OPCML: variants seen among roughly 807,000 people sequenced by gnomAD.
OPCML encodes opioid-binding protein/cell adhesion molecule.
A neutral mutation model predicts 37.8 loss-of-function variants in OPCML; 13 were observed. The ratio of observed to expected loss-of-function variants is 0.34; its 90% CI spans 0.22 to 0.55. The LOEUF (loss-of-function observed/expected upper bound fraction) is 0.55, where lower values mean the gene tolerates loss of function less well. OPCML is among the 20% of genes least tolerant of loss of function. The pLI is 0.91. For synonymous variants in OPCML, 176 were observed against 168.8 expected, an observed-to-expected ratio of 1.04 and a Z score of -0.33; for missense variants, 341 against 435.6, an observed-to-expected ratio of 0.78 and a Z score of 1.93.
chr11:132,962,005 T>A (rs760316690), intron 1 of OPCML, among the ~76,000 whole-genome samples: 1 of 152,236 alleles, frequency 6.6e-6, no homozygotes, highest in South Asian at 2.1e-4. Context: ...TTACAATACA[T>A]TTGACCTAGT....
chr11:133,050,734 T>TC (rs1200450435), intron 1 of OPCML, among the ~76,000 whole-genome samples: 1 of 133,100 alleles, frequency 7.5e-6, no homozygotes, highest in Admixed American at 8.0e-5. Flanking sequence ...TTTTTTTTTT[T>TC]CAGTGCATTT....
chr11:132,420,828 G>A (rs1432232073), intron 7 of OPCML, among the ~76,000 whole-genome samples: 1 of 152,172 alleles, frequency 6.6e-6, no homozygotes, highest in African/African-American at 2.4e-5. Flanking sequence ...GCTAAGGAAG[G>A]AGGAACAATC....
intron 1 of OPCML, among the ~76,000 whole-genome samples, chr11:133,337,312 ACCCACTGG>A (rs1404523660): frequency 1.3e-5 from 2 of 152,042 alleles, no homozygotes; most frequent in Non-Finnish European, 2.9e-5. Context: ...AAATACTACC[ACCCACTGG>A]CCCACTCACC....
chr11:133,340,507 C>A (rs1375587597), intron 1 of OPCML, among the ~76,000 whole-genome samples: 1 of 150,734 alleles, frequency 6.6e-6, no homozygotes, highest in Non-Finnish European at 1.5e-5. Flanking sequence ...CAAATTAACA[C>A]CGTGTGTGTG....
At chr11:132,843,639 T>A (rs1941395901) in intron 2 of OPCML, among the ~76,000 whole-genome samples, 2 of 152,088 alleles carry the variant, frequency 1.3e-5, no homozygotes, top group Admixed American at 6.5e-5. Context: ...AATTGATATC[T>A]GTTGAAGAAT....
chr11:132,437,148 T>TGCCATTACCAGATTGTCCACC, intron 5 of OPCML, 74 bp downstream of exon 5: 1 of 1,556,308 alleles, frequency 6.4e-7, no homozygotes, highest in Non-Finnish European at 8.7e-7. Flanking sequence ...AAAATGGCAC[T>TGCCATTACCAGATTGTCCACC]GCCATTACCA....
At chr11:133,103,490 A>C (rs1949114788) in intron 1 of OPCML, among the ~76,000 whole-genome samples, 1 of 152,230 alleles carries the variant, frequency 6.6e-6, no homozygotes, top group Non-Finnish European at 1.5e-5. Flanking sequence ...GGATCAAACA[A>C]CGAGGGCCAG....
chr11:133,122,653 TC>T (rs1167292213), intron 1 of OPCML, among the ~76,000 whole-genome samples: 2 of 151,988 alleles, frequency 1.3e-5, no homozygotes, highest in Non-Finnish European at 2.9e-5. Context: ...AAAATATACT[TC>T]CCCTCCCTAT....
intron 2 of OPCML, among the ~76,000 whole-genome samples, chr11:132,782,628 A>T (rs1020647727): frequency 2.6e-5 from 4 of 152,008 alleles, no homozygotes; most frequent in African/African-American, 9.7e-5. Context: ...ATGACTTGCC[A>T]ATTCTGCCCC....
chr11:132,928,964 G>A (rs1195900408), intron 2 of OPCML, among the ~76,000 whole-genome samples: 1 of 151,214 alleles, frequency 6.6e-6, no homozygotes, highest in African/African-American at 2.4e-5. Flanking sequence ...AGCAGTATTA[G>A]GATAGAAATT....
intron 1 of OPCML, among the ~76,000 whole-genome samples, chr11:133,044,327 G>A (rs1243862852): frequency 2.0e-5 from 3 of 152,182 alleles, no homozygotes; most frequent in Non-Finnish European, 4.4e-5. Flanking sequence ...AATAAGAAAG[G>A]AGATAAGCAA....
chr11:132,861,919 T>C (rs1385801791), intron 2 of OPCML, among the ~76,000 whole-genome samples: 1 of 152,164 alleles, frequency 6.6e-6, no homozygotes, highest in Non-Finnish European at 1.5e-5. Context: ...GAAAATAAGT[T>C]TACTCCTACT....
At chr11:132,601,818 G>A (rs1332709984) in intron 3 of OPCML, among the ~76,000 whole-genome samples, 1 of 152,036 alleles carries the variant, frequency 6.6e-6, no homozygotes, top group African/African-American at 2.4e-5. Flanking sequence ...TCAGGGTGAG[G>A]GGTACATCCG....
chr11:132,788,673 A>G (rs1937675455), intron 2 of OPCML, among the ~76,000 whole-genome samples: 1 of 152,206 alleles, frequency 6.6e-6, no homozygotes, highest in African/African-American at 2.4e-5. Flanking sequence ...CTACACAGCT[A>G]TTAACTTATA....
intron 1 of OPCML, among the ~76,000 whole-genome samples, chr11:132,983,507 T>C (rs1336172904): frequency 2.0e-5 from 3 of 152,214 alleles, no homozygotes; most frequent in African/African-American, 7.2e-5. Context: ...ACTGCATGCA[T>C]GTTGTTCTCG....
intron 3 of OPCML, among the ~76,000 whole-genome samples, chr11:132,549,310 G>A (rs2096376145): frequency 6.6e-6 from 1 of 152,100 alleles, no homozygotes; most frequent in Non-Finnish European, 1.5e-5. Context: ...TACCCTATGT[G>A]GTCTAAAAGG....
At chr11:133,026,987 A>G (rs11223332) in intron 1 of OPCML, among the ~76,000 whole-genome samples, 1 of 152,072 alleles carries the variant, frequency 6.6e-6, no homozygotes, top group South Asian at 2.1e-4. Context: ...GAGTTGAGCC[A>G]GGCCACAGAG....
At chr11:132,981,917 A>ATGAAT (rs1468187009) in intron 1 of OPCML, among the ~76,000 whole-genome samples, 1 of 152,170 alleles carries the variant, frequency 6.6e-6, no homozygotes, top group Admixed American at 6.5e-5. Flanking sequence ...AAGGAGAAAA[A>ATGAAT]TGAAGGTTTA....
At chr11:132,574,490 T>C (rs578234134) in intron 3 of OPCML, among the ~76,000 whole-genome samples, 3 of 152,032 alleles carry the variant, frequency 2.0e-5, no homozygotes, top group South Asian at 4.1e-4. Context: ...CAGTATTACA[T>C]AATTTTTTAA....
Sources: gnomAD v4.1 joint callset for allele counts (sites outside exome capture counted in the v4.1 genomes callset) on GRCh38, gnomAD v4.1.1 for gene constraint, MANE v1.5 for transcripts, NCBI Gene and HGNC (gene_info 2026-07-23, HGNC 2026-07-21) for gene names.